PDCD11: variants seen among roughly 807,000 people sequenced by gnomAD.
PDCD11 encodes the protein protein RRP5 homolog.
In PDCD11, 97 loss-of-function variants were observed where a neutral mutation model predicts 198.9. That is an observed-to-expected ratio of 0.49 (90% CI 0.41 to 0.58). The LOEUF (loss-of-function observed/expected upper bound fraction) is 0.58, where lower values mean the gene tolerates loss of function less well. PDCD11 is among the 20% of genes least tolerant of loss of function. PDCD11 has a pLI of 0.00. For synonymous variants in PDCD11, 893 were observed against 918.0 expected (o/e 0.97, Z 0.49); for missense variants, 2,102 against 2,312.7 (o/e 0.91, Z 1.87).
chr10:103,399,107 G>A (rs1040694277), intron 2 of PDCD11, among the ~76,000 whole-genome samples: 1 of 125,994 alleles, frequency 7.9e-6, no homozygotes, highest in African/African-American at 2.9e-5. Context: ...AGAGGAAGCA[G>A]TTTTTTTTTT....
At position 103,413,446 on chromosome 10, in the gene PDCD11, A is replaced by G; in HGVS notation, c.1185+124A>G. On this transcript the variant is annotated intron_variant, in intron 9 of 35. Transcript: ENST00000369797. ...TAAAATTTTTGGATATTGTAGTTCT[A>G]ATTCCTGTTCATAGTGATTAGAACA... is the stretch of plus-strand genomic sequence containing the variant. 7 of 724,546 alleles carry G rather than the reference A, an allele frequency of 9.7e-6. No individual in the cohort carries two copies. The South Asian group carries it at 1.3e-4, about 13-fold the overall frequency. 44.9% of individuals were successfully genotyped at this position (724,546 alleles called of 1,614,324 possible).
Position 103,421,458 on chromosome 10 carries a change from A to G in PDCD11, c.2388A>G (p.Ser796=). 1 of 1,603,880 alleles carries G rather than the reference A, an allele frequency of 6.2e-7. No individual in the cohort carries two copies. Among genetic ancestry groups the G allele is most frequent in the Non-Finnish European group, 8.5e-7 (1 of 1,175,182 alleles). The change falls in exon 17 of 36, where the codon TCA becomes TCG. Residue 796 remains serine, a synonymous_variant. Coordinates refer to ENST00000369797, the MANE Select transcript of PDCD11 (RefSeq NM_014976.2). The part of the protein sequence containing the change: ...VDEEKQRMLL[S]LRLSDCGLGD... The stretch of plus-strand genomic sequence containing the variant: ...AGGAGAAGCAGCGGATGCTGCTGTC[A>G]CTGCGGCTGTCGGACTGTGGTCTGG...
Position 103,439,885 on chromosome 10 carries a change from T to A in PDCD11, c.4148+17T>A, listed in dbSNP as rs1458970428. On this transcript the variant is annotated intron_variant, in intron 28 of 35. Coordinates refer to ENST00000369797, the MANE Select transcript of PDCD11 (RefSeq NM_014976.2). ...GGTCCTACGGTAGGTGCCTTCCCGTTCTCTCTCTCTCTGTAATGTGAATCA... is the reference window on the plus strand; with the variant it reads ...GGTCCTACGGTAGGTGCCTTCCCGTACTCTCTCTCTCTGTAATGTGAATCA... 6.4e-7 allele frequency: 1 copy of A among 1,559,000 alleles called. No individual in the cohort carries two copies. Among genetic ancestry groups the A allele is most frequent in the Non-Finnish European group, 8.8e-7 (1 of 1,137,098 alleles).
intron 7 of PDCD11, among the ~76,000 whole-genome samples, chr10:103,407,445 C>T (rs2030527072): frequency 6.6e-6 from 1 of 151,982 alleles, no homozygotes; most frequent in South Asian, 2.1e-4. Context: ...TACCTGTAGT[C>T]CCAGCTACTC....
intron 21 of PDCD11, 97 bp downstream of exon 21, chr10:103,427,488 T>C (rs749223689): frequency 2.7e-5 from 28 of 1,049,772 alleles, no homozygotes; most frequent in African/African-American, 2.1e-4. Context: ...AGTGTTAGGA[T>C]TGATTTTTGC....
In PDCD11 at chr10:103,440,453, A is replaced by T; in HGVS notation, c.4312A>T (p.Arg1438Trp). 6.2e-7 allele frequency: 1 copy of T among 1,614,142 alleles called. No individual in the cohort carries two copies. The highest frequency in any genetic ancestry group is 8.5e-7 in the Non-Finnish European group (1 of 1,179,980). The change falls in exon 29 of 36, where the codon AGG (arginine) becomes TGG (tryptophan). Residue 1438 changes from arginine to tryptophan, a missense_variant. Physicochemically the swap from Arg to Trp is moderately radical, Grantham distance 101. Coordinates refer to ENST00000369797, the MANE Select transcript of PDCD11 (RefSeq NM_014976.2). ...AAAAGGGGAAAAGAAAAATCAGAAA[A>T]GGAACGAGAAGAAGAACCAGAAGGG... ...DQKGEKKNQK[R>W]NEKKNQKGQE...
Position 103,416,526 on chromosome 10 carries a change from G to C in PDCD11, c.1554G>C (p.Met518Ile), listed in dbSNP as rs1436044595. 1.3e-5 allele frequency: 21 copies of C among 1,614,136 alleles called. No homozygotes were observed. The highest frequency in any genetic ancestry group is 2.7e-5 in the African/African-American group (2 of 75,032). ...GTGACCCTGAAGCCAAGAAGCTGATGATGACCCTGAAAAAAACCCTGATTG... is the reference window on the plus strand; with the variant it reads ...GTGACCCTGAAGCCAAGAAGCTGATCATGACCCTGAAAAAAACCCTGATTG... ...LLCDPEAKKL[M>I]MTLKKTLIES... is the part of the protein sequence containing the mutation. Residue 518 changes from methionine (M) to isoleucine (I), a missense_variant, in exon 13 of 36, where the codon ATG (methionine) becomes ATC (isoleucine). Physicochemically the swap from Met to Ile is conservative, Grantham distance 10. Coordinates refer to ENST00000369797, the MANE Select transcript of PDCD11 (RefSeq NM_014976.2).
chr10:103,403,150 C>T lies in PDCD11; in HGVS notation c.267C>T (p.Cys89=), dbSNP rs375414549. The T allele has an allele frequency of 2.9e-5, 46 of 1,614,030 alleles. No individual in the cohort carries two copies. The East Asian group carries it at 4.9e-4, about 17-fold the overall frequency. Residue 89 remains cysteine, a synonymous_variant, in exon 4 of 36, where the codon TGC becomes TGT. Coordinates refer to ENST00000369797, the MANE Select transcript of PDCD11 (RefSeq NM_014976.2). ...SLCEGMRILG[C]VKEVNELELV... is the part of the protein sequence containing the mutation. ...GTGAGGGAATGCGTATTTTGGGTTG[C>T]GTGAAAGAGGTGAATGAACTGGAAC...
At position 103,438,072 on chromosome 10, in the gene PDCD11, G is replaced by A; in HGVS notation, c.3902+1G>A. 6.2e-7 allele frequency: 1 copy of A among 1,612,998 alleles called. No homozygotes were observed. The highest frequency in any genetic ancestry group is 1.7e-4 in the Middle Eastern group (1 of 6,056). ...TGACTTTGTCGCTGCGATCATCCAG[G>A]TGGGTTTCTGTGTTGTTGGAAAAAG... On this transcript the variant is annotated splice_donor_variant, in intron 26 of 35. Coordinates refer to ENST00000369797, the MANE Select transcript of PDCD11 (RefSeq NM_014976.2). LOFTEE classifies it high-confidence loss of function.
intron 4 of PDCD11, among the ~76,000 whole-genome samples, chr10:103,404,529 C>T (rs768697199): frequency 2.0e-5 from 3 of 152,174 alleles, no homozygotes; most frequent in Non-Finnish European, 4.4e-5. Context: ...AAACTCCTGA[C>T]GTCAGGTGAT....
chr10:103,435,479 C>T (rs532734037), intron 25 of PDCD11, among the ~76,000 whole-genome samples: 7 of 151,358 alleles, frequency 4.6e-5, no homozygotes, highest in South Asian at 2.1e-4. Context: ...AGTGCAGTGG[C>T]GTGAGACAGA....
chr10:103,424,927 G>A, intron 19 of PDCD11, 57 bp from the exon 20 acceptor site: 1 of 1,582,002 alleles, frequency 6.3e-7, no homozygotes. Context: ...GTGGGGCCAT[G>A]AGTGAGTGAC....
rs1248933534 is a variant in PDCD11, at chr10:103,406,923, T to G, written c.870+133T>G. 7.4e-5 allele frequency: 46 copies of G among 618,986 alleles called. No homozygotes were observed. The East Asian group carries it at 1.4e-3, about 18-fold the overall frequency. 38.3% of individuals were successfully genotyped at this position (618,986 alleles called of 1,614,324 possible). A position where few individuals can be genotyped will look rare whatever the true frequency, so the allele number is the denominator to read the frequency against. On this transcript the variant is annotated intron_variant, in intron 7 of 35. Transcript: ENST00000369797. ...TTACGCCCATTGAGCATTTCAAATGTGGCCAGTGCCACATGTTGAAATGAT... is the reference window on the plus strand; with the variant it reads ...TTACGCCCATTGAGCATTTCAAATGGGGCCAGTGCCACATGTTGAAATGAT...
At chr10:103,415,620 G>T (rs1038685919) in intron 12 of PDCD11, among the ~76,000 whole-genome samples, 1 of 152,234 alleles carries the variant, frequency 6.6e-6, no homozygotes, top group Non-Finnish European at 1.5e-5. Context: ...GGAAATTAAA[G>T]CTTCGGAAAG....
Position 103,445,562 on chromosome 10 carries a change from T to C in PDCD11, c.*13T>C, listed in dbSNP as rs1159649925. ...GCTAGAGGACTAGTGGCAGGCTGGC[T>C]CTGTGGGACACTGTCAACAATGGGC... On this transcript the variant is annotated 3_prime_UTR_variant, in exon 36 of 36. Coordinates refer to ENST00000369797, the MANE Select transcript of PDCD11 (RefSeq NM_014976.2). 1.9e-6 allele frequency: 3 copies of C among 1,611,612 alleles called. No individual in the cohort carries two copies. Among genetic ancestry groups the C allele is most frequent in the South Asian group, 2.2e-5 (2 of 90,930 alleles).
rs142879219 is a variant in PDCD11 at position 103,445,457 on chromosome 10, G to A, written c.5524G>A (p.Glu1842Lys). The A allele has an allele frequency of 1.5e-5, 25 of 1,614,090 alleles. No homozygotes were observed. Among genetic ancestry groups the A allele is most frequent in the East Asian group, 1.1e-4 (5 of 44,890 alleles). ...KFFFKRYLDY[E>K]KQHGTEKDVQ... The stretch of plus-strand genomic sequence containing the variant: ...CTTCTTCAAGCGCTACCTGGACTAC[G>A]AGAAGCAGCATGGCACTGAGAAGGA... Residue 1842 changes from glutamate to lysine, a missense_variant, in exon 36 of 36, where the codon GAG (glutamate) becomes AAG (lysine). By Grantham distance (56) the Glu-to-Lys change is moderately conservative. Transcript: ENST00000369797.
chr10:103,406,157 G>A (rs2030436738), intron 6 of PDCD11, 49 bp downstream of exon 6: 2 of 1,596,492 alleles, frequency 1.3e-6, no homozygotes, highest in Non-Finnish European at 8.6e-7. Flanking sequence ...TGGTACATGT[G>A]GGGATTATAT....
At chr10:103,424,259 A>T (rs1352687449) in intron 19 of PDCD11, among the ~76,000 whole-genome samples, 1 of 151,962 alleles carries the variant, frequency 6.6e-6, no homozygotes, top group East Asian at 1.9e-4. Flanking sequence ...AAAAATTATT[A>T]TTTTTCTCTG....
chr10:103,414,866 C>A, intron 11 of PDCD11, 139 bp from the exon 12 acceptor site: 1 of 768,922 alleles, frequency 1.3e-6, no homozygotes, highest in Non-Finnish European at 2.2e-6. Context: ...GTGTGCTTCA[C>A]CCATGTGCCA....
Sources: allele counts gnomAD v4.1 joint callset (sites outside exome capture counted in the v4.1 genomes callset), GRCh38; gene constraint gnomAD v4.1.1; transcripts MANE v1.5; gene names NCBI Gene and HGNC (gene_info 2026-07-23, HGNC 2026-07-21).